Variants in R3HDM1 observed in about 807,000 individuals in gnomAD.
The protein encoded by R3HDM1 is R3H domain containing 1.
A neutral mutation model predicts 141.1 loss-of-function variants in R3HDM1; 46 were observed. The observed-to-expected ratio is 0.33, with a 90% CI of 0.26 to 0.42. The LOEUF is 0.42. R3HDM1 is among the 10% of genes least tolerant of loss of function. The pLI is 1.00. For missense variants in R3HDM1, 1,184 were observed against 1,368.3 expected (o/e 0.87, Z 2.12); for synonymous variants, 435 against 472.9 (o/e 0.92, Z 1.04).
In R3HDM1 at chr2:135,645,493, C is replaced by G. The variant is rs1191292697; in HGVS notation, c.1589C>G (p.Pro530Arg). ...GPPQPPLPAP[P>R]QQPAANHIFS... ...CCACAGCCACCTCTGCCAGCCCCACCTCAACAACCAGCAGCTAATCACATT... is the reference window on the plus strand; with the variant it reads ...CCACAGCCACCTCTGCCAGCCCCACGTCAACAACCAGCAGCTAATCACATT... The change falls in exon 16 of 27, where the codon CCT (proline) becomes CGT (arginine). Residue 530 changes from proline (P) to arginine (R), a missense_variant. Transcript: ENST00000683871. 1.2e-6 allele frequency: 2 copies of G among 1,614,130 alleles called. No individual in the cohort carries two copies. The highest frequency in any genetic ancestry group is 2.7e-5 in the African/African-American group (2 of 75,036).
chr2:135,675,905 G>C lies in R3HDM1; in HGVS notation c.2307+419G>C, dbSNP rs186521430. On this transcript the variant is annotated intron_variant, in intron 20 of 26. Coordinates refer to ENST00000683871, the MANE Select transcript of R3HDM1 (RefSeq NM_001378107.1). ...TAGTGGTAGATATTTGAAATAGTGA[G>C]ATACAGTATAGACCATGAATCCGTA... Among the ~76,000 whole-genome samples, 606 of 152,298 alleles carry C rather than the reference G, an allele frequency of 4.0e-3. 4 individuals carry two copies. The highest frequency in any genetic ancestry group is 0.014 in the African/African-American group (571 of 41,572).
intron 21 of R3HDM1, among the ~76,000 whole-genome samples, chr2:135,700,683 T>G (rs1352742972): frequency 6.6e-6 from 1 of 152,184 alleles, no homozygotes; most frequent in Non-Finnish European, 1.5e-5. Flanking sequence ...AATACACTTG[T>G]TCCTATTCTC....
At chr2:135,706,148 T>C (rs1446963338) in intron 21 of R3HDM1, among the ~76,000 whole-genome samples, 1 of 145,414 alleles carries the variant, frequency 6.9e-6, no homozygotes, top group East Asian at 2.0e-4. Flanking sequence ...AAAAAAAAAC[T>C]CAGAAGAAAC....
intron 1 of R3HDM1, among the ~76,000 whole-genome samples, chr2:135,565,569 C>G (rs1222239771): frequency 6.6e-6 from 1 of 151,908 alleles, no homozygotes; most frequent in African/African-American, 2.4e-5. Flanking sequence ...CGTTTCTTTG[C>G]GTTGGACTAC....
intron 1 of R3HDM1, among the ~76,000 whole-genome samples, chr2:135,570,407 C>G (rs1703845011): frequency 6.6e-6 from 1 of 152,172 alleles, no homozygotes; most frequent in Non-Finnish European, 1.5e-5. Context: ...AACAAAAAAT[C>G]TTTCATTTGA....
chr2:135,704,538 T>C (rs528147727), intron 21 of R3HDM1, among the ~76,000 whole-genome samples: 1 of 150,960 alleles, frequency 6.6e-6, no homozygotes, highest in Non-Finnish European at 1.5e-5. Flanking sequence ...TGGTGCCATC[T>C]CGGCTCACTG....
intron 1 of R3HDM1, among the ~76,000 whole-genome samples, chr2:135,569,972 C>T (rs1043173855): frequency 2.6e-5 from 4 of 152,010 alleles, no homozygotes; most frequent in African/African-American, 7.3e-5. Flanking sequence ...GTGATCTGTC[C>T]GCCTCGGCCT....
At chr2:135,618,887 G>A (rs1342904762) in intron 5 of R3HDM1, among the ~76,000 whole-genome samples, 1 of 152,054 alleles carries the variant, frequency 6.6e-6, no homozygotes, top group East Asian at 1.9e-4. Flanking sequence ...AGGTGTGGTG[G>A]CACACGCCTG....
At chr2:135,646,848 A>AC (rs2064496701) in intron 16 of R3HDM1, among the ~76,000 whole-genome samples, 1 of 151,018 alleles carries the variant, frequency 6.6e-6, no homozygotes, top group Non-Finnish European at 1.5e-5. Context: ...ATCTCAAAAA[A>AC]AAAAAAAATT....
At chr2:135,644,630 T>C (rs2064181228) in intron 15 of R3HDM1, among the ~76,000 whole-genome samples, 1 of 152,230 alleles carries the variant, frequency 6.6e-6, no homozygotes, top group East Asian at 1.9e-4. Flanking sequence ...ATATATGTAA[T>C]GTGGCCTAAA....
chr2:135,674,940 T>G (rs1379333957), intron 19 of R3HDM1, among the ~76,000 whole-genome samples: 2 of 141,488 alleles, frequency 1.4e-5, no homozygotes, highest in African/African-American at 5.6e-5. Context: ...TAGTTGTTGT[T>G]TTTTTTTTTT....
At chr2:135,683,417 G>A (rs571989029) in intron 21 of R3HDM1, among the ~76,000 whole-genome samples, 124 of 151,968 alleles carry the variant, frequency 8.2e-4, no homozygotes, top group Non-Finnish European at 1.5e-3. Flanking sequence ...AGCCGGGCGC[G>A]GTGGTGGGTG....
intron 7 of R3HDM1, among the ~76,000 whole-genome samples, chr2:135,626,209 G>GTGCGTGCGTGTGTGCTTGCTTGCT (rs1553576639): frequency 2.1e-4 from 30 of 143,334 alleles, no homozygotes; most frequent in African/African-American, 7.6e-4. Context: ...GCGTGCGTGC[G>GTGCGTGCGTGTGTGCTTGCTTGCT]TGCTTGCTTG....
intron 1 of R3HDM1, among the ~76,000 whole-genome samples, chr2:135,549,416 G>A (rs574185927): frequency 3.9e-5 from 6 of 151,956 alleles, no homozygotes; most frequent in African/African-American, 1.2e-4. Context: ...TTAGCTGGGC[G>A]TGATGGTGGG....
chr2:135,685,544 G>A (rs554346004), intron 21 of R3HDM1, among the ~76,000 whole-genome samples: 1 of 152,094 alleles, frequency 6.6e-6, no homozygotes, highest in African/African-American at 2.4e-5. Context: ...ATTTGTTTGT[G>A]TATTTCACCA....
intron 1 of R3HDM1, among the ~76,000 whole-genome samples, chr2:135,576,021 G>A (rs1705343967): frequency 6.6e-6 from 1 of 152,112 alleles, no homozygotes; most frequent in Non-Finnish European, 1.5e-5. Flanking sequence ...TTGAATCTGT[G>A]TGCTACTGTC....
At chr2:135,693,602 TA>T (rs1383273000) in intron 21 of R3HDM1, among the ~76,000 whole-genome samples, 19 of 152,096 alleles carry the variant, frequency 1.2e-4, no homozygotes, top group African/African-American at 4.3e-4. Context: ...AAGAAAAAAA[TA>T]ACAAGTTCAG....
rs763705696 is a variant in R3HDM1 at position 135,675,369 on chromosome 2, A to G, written c.2190A>G (p.Gln730=). Residue 730 remains glutamine (Q), a synonymous_variant, in exon 20 of 27, where the codon CAA becomes CAG. Coordinates refer to ENST00000683871, the MANE Select transcript of R3HDM1 (RefSeq NM_001378107.1). ...QVIPNQQQNY[Q]GIVGVQQPQS... ...TACCCAACCAGCAGCAAAACTACCA[A>G]GGAATAGTTGGAGTTCAGCAACCCC... is the stretch of plus-strand genomic sequence containing the variant. 6.2e-7 allele frequency: 1 copy of G among 1,614,002 alleles called. No homozygotes were observed. The highest frequency in any genetic ancestry group is 1.7e-5 in the Admixed American group (1 of 60,006).
chr2:135,696,162 C>A (rs1193446642), intron 21 of R3HDM1, among the ~76,000 whole-genome samples: 2 of 152,130 alleles, frequency 1.3e-5, no homozygotes, highest in African/African-American at 4.8e-5. Flanking sequence ...AAAAAAAGAT[C>A]TGTTGATAAC....
Sources: gnomAD v4.1 joint callset for allele counts (sites outside exome capture counted in the v4.1 genomes callset) on GRCh38, gnomAD v4.1.1 for gene constraint, MANE v1.5 for transcripts, NCBI Gene and HGNC (gene_info 2026-07-23, HGNC 2026-07-21) for gene names.